Variants in CNTN5 observed in about 807,000 individuals in gnomAD.
The protein encoded by CNTN5 is contactin-5.
Under a neutral mutation model 129.1 loss-of-function variants are expected in CNTN5, and 77 were observed. The observed-to-expected ratio is 0.60, with a 90% CI of 0.50 to 0.72. The LOEUF is 0.72. Ranked by LOEUF, CNTN5 falls within the 30% of genes least tolerant of loss-of-function variation. The pLI is 0.00. For missense variants in CNTN5, 1,478 were observed against 1,328.8 expected (o/e 1.11, Z -1.75); for synonymous variants, 509 against 465.6 (o/e 1.09, Z -1.20).
At chr11:100,187,321 T>C (rs187425691) in intron 13 of CNTN5, among the ~76,000 whole-genome samples, 1 of 152,050 alleles carries the variant, frequency 6.6e-6, no homozygotes, top group East Asian at 1.9e-4. Flanking sequence ...AGAATCAGAT[T>C]GTCAGCAAAG....
Position 99,522,978 on chromosome 11 carries a change from A to C in CNTN5, c.-70-33167A>C, listed in dbSNP as rs191477204. On this transcript the variant is annotated intron_variant, in intron 2 of 24. Transcript: ENST00000524871. The stretch of plus-strand genomic sequence containing the variant: ...CTGTACACACACTAAATTCCAAAAA[A>C]GTCCAAGATACTTACTTATGTTCTG... Among the ~76,000 whole-genome samples the C allele has an allele frequency of 4.6e-5, 7 of 152,346 alleles. No individual in the cohort carries two copies. In the East Asian group the frequency reaches 1.3e-3, roughly 29 times the overall value.
intron 2 of CNTN5, among the ~76,000 whole-genome samples, chr11:99,474,309 A>G (rs1173382347): frequency 2.0e-5 from 3 of 152,006 alleles, no homozygotes; most frequent in East Asian, 3.9e-4. Flanking sequence ...AAAACCATCA[A>G]AAAAATACCC....
At chr11:99,284,837 A>G (rs1863862545) in intron 1 of CNTN5, among the ~76,000 whole-genome samples, 1 of 152,062 alleles carries the variant, frequency 6.6e-6, no homozygotes, top group African/African-American at 2.4e-5. Context: ...GATAGTAGAT[A>G]AATAGGTGGA....
intron 3 of CNTN5, among the ~76,000 whole-genome samples, chr11:99,714,662 C>T (rs12577695): frequency 0.03 from 4,535 of 151,856 alleles, 152 homozygotes; most frequent in East Asian, 0.19. Flanking sequence ...ACAGTTACAG[C>T]GAATAGCCTA....
chr11:99,236,566 T>C (rs1199090897), intron 1 of CNTN5, among the ~76,000 whole-genome samples: 2 of 151,954 alleles, frequency 1.3e-5, no homozygotes, highest in African/African-American at 4.8e-5. Flanking sequence ...ATTTATAATC[T>C]AAGAAAAAGT....
intron 13 of CNTN5, among the ~76,000 whole-genome samples, chr11:100,165,563 T>C (rs1386791598): frequency 6.6e-6 from 1 of 151,762 alleles, no homozygotes; most frequent in Non-Finnish European, 1.5e-5. Context: ...AAAGTTCCAA[T>C]AAAGCTCTTC....
At chr11:100,061,115 T>G (rs1379132753) in intron 9 of CNTN5, 97 bp from the exon 10 acceptor site, 1 of 896,554 alleles carries the variant, frequency 1.1e-6, no homozygotes. Context: ...TACATTTTAT[T>G]GCACTCAGCC....
At chr11:99,268,507 A>T (rs1863014988) in intron 1 of CNTN5, among the ~76,000 whole-genome samples, 1 of 151,902 alleles carries the variant, frequency 6.6e-6, no homozygotes, top group South Asian at 2.1e-4. Flanking sequence ...AAAGGTCATT[A>T]TTAGTCCCTA....
intron 8 of CNTN5, among the ~76,000 whole-genome samples, chr11:99,958,398 C>T (rs1033802483): frequency 1.1e-4 from 16 of 152,132 alleles, no homozygotes; most frequent in Admixed American, 9.2e-4. Flanking sequence ...TGATTCTCCT[C>T]ATCAGAAAAG....
At chr11:99,052,794 A>G (rs1166026645) in intron 1 of CNTN5, among the ~76,000 whole-genome samples, 1 of 151,822 alleles carries the variant, frequency 6.6e-6, no homozygotes, top group Non-Finnish European at 1.5e-5. Flanking sequence ...ATTTAGGGGG[A>G]ATGTTCCTGA....
chr11:99,375,382 A>C (rs1307683880), intron 2 of CNTN5, among the ~76,000 whole-genome samples: 1 of 151,232 alleles, frequency 6.6e-6, no homozygotes, highest in Non-Finnish European at 1.5e-5. Context: ...CAGTTACAGC[A>C]GGAGGAGTGA....
At position 99,797,369 on chromosome 11, in the gene CNTN5, A is replaced by G. The variant is rs748522152; in HGVS notation, c.56-22175A>G. Among the ~76,000 whole-genome samples, 114 of 152,156 alleles carry G rather than the reference A, an allele frequency of 7.5e-4. 1 individual carries two copies. Among genetic ancestry groups the G allele is most frequent in the African/African-American group, 2.6e-3 (107 of 41,428 alleles). ...GCTGAGCAAATTTACATACCTGCCA[A>G]TAGTGTATAAGTGTTCCCTTTACAC... On this transcript the variant is annotated intron_variant, in intron 3 of 24. Coordinates refer to ENST00000524871, the MANE Select transcript of CNTN5 (RefSeq NM_014361.4).
At chr11:99,916,200 T>C in intron 7 of CNTN5, 51 bp downstream of exon 7, 2 of 1,426,024 alleles carry the variant, frequency 1.4e-6, no homozygotes, top group Non-Finnish European at 2.0e-6. Context: ...TTTTGCTATG[T>C]GTTCATTCTT....
At chr11:100,332,013 A>G (rs1951916354) in intron 21 of CNTN5, among the ~76,000 whole-genome samples, 1 of 152,032 alleles carries the variant, frequency 6.6e-6, no homozygotes, top group Non-Finnish European at 1.5e-5. Context: ...TGAAACAAAA[A>G]AAGAAAAATA....
chr11:99,459,660 G>C (rs1041901548), intron 2 of CNTN5, among the ~76,000 whole-genome samples: 24 of 151,884 alleles, frequency 1.6e-4, no homozygotes, highest in African/African-American at 5.8e-4. Flanking sequence ...ATTATGTGCT[G>C]GTCACTGCCT....
intron 2 of CNTN5, among the ~76,000 whole-genome samples, chr11:99,511,127 A>T (rs2135411198): frequency 6.6e-6 from 1 of 152,274 alleles, no homozygotes; most frequent in African/African-American, 2.4e-5. Context: ...AAAGAAAAAT[A>T]TTTTTGTAGG....
Position 100,203,947 on chromosome 11 carries a change from T to C in CNTN5, c.1884+10284T>C, listed in dbSNP as rs1029051120. On this transcript the variant is annotated intron_variant, in intron 15 of 24. Transcript: ENST00000524871. ...TCTCTGAAAATATCATGTTCTCACA[T>C]GCTGACCCACTGCCAAGAATACTCT... 2.6e-5 allele frequency among the ~76,000 whole-genome samples: 4 copies of C among 151,890 alleles called. No homozygotes were observed. In the South Asian group the frequency reaches 8.3e-4, roughly 32 times the overall value.
At chr11:99,717,470 TAAA>T (rs1158511224) in intron 3 of CNTN5, among the ~76,000 whole-genome samples, 1 of 152,030 alleles carries the variant, frequency 6.6e-6, no homozygotes, top group East Asian at 1.9e-4. Context: ...TAAAAAAAGA[TAAA>T]AAATAAGAGT....
chr11:100,337,120 A>T, intron 21 of CNTN5: 1 of 1,412,512 alleles, frequency 7.1e-7, no homozygotes, highest in East Asian at 2.3e-5. Flanking sequence ...TTCAACCAAC[A>T]TTGTTTACAA....
Sources: gnomAD v4.1 joint callset for allele counts (sites outside exome capture counted in the v4.1 genomes callset) on GRCh38, gnomAD v4.1.1 for gene constraint, MANE v1.5 for transcripts, NCBI Gene and HGNC (gene_info 2026-07-23, HGNC 2026-07-21) for gene names.